Variants in CSMD1 observed in about 807,000 individuals in gnomAD.
CSMD1 encodes the protein CUB and sushi domain-containing protein 1.
In CSMD1, 213 loss-of-function variants were observed where a neutral mutation model predicts 417.5. That is an observed-to-expected ratio of 0.51 (90% CI 0.46 to 0.57). The LOEUF (loss-of-function observed/expected upper bound fraction) is 0.57, where lower values mean the gene tolerates loss of function less well. Ranked by LOEUF, CSMD1 falls within the 20% of genes least tolerant of loss-of-function variation. The probability of loss-of-function intolerance (pLI) is 0.00; values close to 1 mark genes in which losing one functional copy is unlikely to be tolerated. For missense variants in CSMD1, 6,923 were observed against 4,529.7 expected (o/e 1.53, Z -15.17); for synonymous variants, 2,862 against 1,736.8 (o/e 1.65, Z -16.11).
At chr8:4,119,682 G>C (rs559372800) in intron 3 of CSMD1, among the ~76,000 whole-genome samples, 6 of 152,312 alleles carry the variant, frequency 3.9e-5, no homozygotes, top group Admixed American at 3.3e-4. Context: ...CAGGAAGAGA[G>C]TCCTCCCAGA....
chr8:4,470,845 T>A (rs1212355961), intron 2 of CSMD1, among the ~76,000 whole-genome samples: 2 of 152,208 alleles, frequency 1.3e-5, no homozygotes, highest in Admixed American at 6.5e-5. Context: ...TGGGCTTCTT[T>A]GATTTTTTTT....
rs372093563 is a variant in CSMD1 at position 3,070,298 on chromosome 8, T to C, written c.7474+16799A>G. Among the ~76,000 whole-genome samples, 57 of 152,356 alleles carry C rather than the reference T, an allele frequency of 3.7e-4. No individual in the cohort carries two copies. In the East Asian group the frequency reaches 4.2e-3, roughly 11 times the overall value. On this transcript the variant is annotated intron_variant, in intron 49 of 69. Coordinates refer to ENST00000635120, the MANE Select transcript of CSMD1 (RefSeq NM_033225.6). ...GCTCCACAGCCTTCTTGAACTCCTC[T>C]TCTGAAAAAGCTTTTTTCTTCCTCT... is the stretch of plus-strand genomic sequence containing the variant.
At chr8:3,529,636 G>C (rs1252404196) in intron 10 of CSMD1, among the ~76,000 whole-genome samples, 1 of 152,216 alleles carries the variant, frequency 6.6e-6, no homozygotes, top group Non-Finnish European at 1.5e-5. Flanking sequence ...CAAAAGTATA[G>C]TGTTTGCTTT....
chr8:3,395,805 A>G (rs886424718), intron 17 of CSMD1, among the ~76,000 whole-genome samples: 1 of 152,236 alleles, frequency 6.6e-6, no homozygotes, highest in African/African-American at 2.4e-5. Flanking sequence ...CTGTTTTTCT[A>G]GCAAGGATCC....
intron 2 of CSMD1, among the ~76,000 whole-genome samples, chr8:4,553,717 C>T (rs960471033): frequency 2.0e-5 from 3 of 152,144 alleles, no homozygotes; most frequent in Admixed American, 6.5e-5. Context: ...GTTAATTGTG[C>T]CTCATGGCAA....
At chr8:3,655,815 T>C (rs2469390) in intron 7 of CSMD1, among the ~76,000 whole-genome samples, 117,945 of 152,046 alleles carry the variant, frequency 0.78, 46,053 homozygotes, top group Non-Finnish European at 0.82. Flanking sequence ...AGTCTTCCAA[T>C]ATTTTCAGGA....
intron 1 of CSMD1, among the ~76,000 whole-genome samples, chr8:4,894,677 TAAGTC>T (rs1276975965): frequency 2.0e-5 from 3 of 149,304 alleles, no homozygotes; most frequent in Non-Finnish European, 4.4e-5. Context: ...ATTCTTGATT[TAAGTC>T]AAGTTATCTG....
chr8:3,896,773 C>G (rs983243331), intron 5 of CSMD1, among the ~76,000 whole-genome samples: 12 of 152,034 alleles, frequency 7.9e-5, no homozygotes, highest in African/African-American at 2.9e-4. Context: ...TATACGTAAA[C>G]AGCAAGTATA....
chr8:4,751,850 T>C (rs746313818), intron 1 of CSMD1, among the ~76,000 whole-genome samples: 3 of 152,166 alleles, frequency 2.0e-5, no homozygotes, highest in Non-Finnish European at 4.4e-5. Context: ...TGTCCGAAAA[T>C]AGTGCATTGG....
intron 3 of CSMD1, among the ~76,000 whole-genome samples, chr8:4,096,763 C>A (rs765800368): frequency 6.6e-6 from 1 of 152,108 alleles, no homozygotes; most frequent in Non-Finnish European, 1.5e-5. Flanking sequence ...TTTTTCCCTG[C>A]AATTTAGAAG....
At chr8:3,683,853 T>C (rs886778842) in intron 7 of CSMD1, among the ~76,000 whole-genome samples, 1 of 152,090 alleles carries the variant, frequency 6.6e-6, no homozygotes, top group Non-Finnish European at 1.5e-5. Flanking sequence ...AGAATATTCA[T>C]GAATGTTAAG....
intron 5 of CSMD1, among the ~76,000 whole-genome samples, chr8:3,989,227 C>G (rs565973110): frequency 1.3e-5 from 2 of 152,286 alleles, no homozygotes; most frequent in South Asian, 4.1e-4. Context: ...ATTTTACAGA[C>G]AGTGATCTGG....
At chr8:3,260,593 A>G (rs147815861) in intron 26 of CSMD1, among the ~76,000 whole-genome samples, 1 of 151,816 alleles carries the variant, frequency 6.6e-6, no homozygotes, top group Non-Finnish European at 1.5e-5. Flanking sequence ...ACCCCCCTCG[A>G]AGAGCAGAGG....
At chr8:3,760,898 T>C (rs1254169424) in intron 5 of CSMD1, among the ~76,000 whole-genome samples, 1 of 152,120 alleles carries the variant, frequency 6.6e-6, no homozygotes, top group African/African-American at 2.4e-5. Flanking sequence ...ATAAACCTAT[T>C]ACTTGGAGGA....
intron 5 of CSMD1, chr8:3,949,967 CGTGTCTCCAGGCTT>C: frequency 2.2e-6 from 1 of 455,902 alleles, no homozygotes. Flanking sequence ...AGCAGAGCGA[CGTGTCTCCAGGCTT>C]GCATGAAATT....
At chr8:4,626,983 T>C (rs950181338) in intron 2 of CSMD1, among the ~76,000 whole-genome samples, 1 of 152,200 alleles carries the variant, frequency 6.6e-6, no homozygotes, top group Non-Finnish European at 1.5e-5. Flanking sequence ...AGTGTATTTA[T>C]TGTGGTAAAG....
In CSMD1 at chr8:3,209,599, G is replaced by A. The variant is rs567095948; in HGVS notation, c.4868-3979C>T. Among the ~76,000 whole-genome samples, 35 of 152,290 alleles carry A rather than the reference G, an allele frequency of 2.3e-4. 1 individual carries two copies. The highest frequency in any genetic ancestry group is 8.2e-4 in the African/African-American group (34 of 41,556). ...CTCCCAAAGTGCTGGAATTACAGGT[G>A]TGAGCCACTGCACTCGGCTATTTAA... On this transcript the variant is annotated intron_variant, in intron 30 of 69. Transcript: ENST00000635120.
At chr8:3,280,892 G>A (rs1458921337) in intron 26 of CSMD1, among the ~76,000 whole-genome samples, 3 of 152,198 alleles carry the variant, frequency 2.0e-5, no homozygotes, top group East Asian at 1.9e-4. Context: ...TCTCTGAAGA[G>A]AGAATCATGA....
intron 5 of CSMD1, among the ~76,000 whole-genome samples, chr8:3,882,917 T>C (rs1806299753): frequency 6.6e-6 from 1 of 152,148 alleles, no homozygotes; most frequent in African/African-American, 2.4e-5. Context: ...GTGGGAGTAA[T>C]GTTCTGCATC....
Sources: allele counts gnomAD v4.1 joint callset (sites outside exome capture counted in the v4.1 genomes callset), GRCh38; gene constraint gnomAD v4.1.1; transcripts MANE v1.5; gene names NCBI Gene and HGNC (gene_info 2026-07-23, HGNC 2026-07-21).